Variants in PXDNL observed in about 807,000 individuals in gnomAD.
PXDNL encodes probable oxidoreductase PXDNL.
A neutral mutation model predicts 150.8 loss-of-function variants in PXDNL; 145 were observed. That is an observed-to-expected ratio of 0.96 (90% CI 0.84 to 1.10). The LOEUF is 1.10. Ranked by LOEUF, PXDNL falls within the 50% of genes least tolerant of loss-of-function variation. The pLI, the probability that PXDNL is intolerant of heterozygous loss-of-function variation, is 0.00. For synonymous variants in PXDNL, 757 were observed against 725.7 expected (o/e 1.04, Z -0.69); for missense variants, 2,087 against 1,873.9 (o/e 1.11, Z -2.10).
intron 6 of PXDNL, among the ~76,000 whole-genome samples, chr8:51,482,348 C>T (rs1393165833): frequency 1.3e-5 from 2 of 152,190 alleles, no homozygotes; most frequent in Non-Finnish European, 2.9e-5. Flanking sequence ...CACCTGTACC[C>T]CCACTGTATC....
chr8:51,546,913 G>C, intron 4 of PXDNL, among the ~76,000 whole-genome samples: 1 of 152,268 alleles, frequency 6.6e-6, no homozygotes, highest in Admixed American at 6.5e-5. Flanking sequence ...TGAAGCAGCA[G>C]AGGCATTCAT....
intron 4 of PXDNL, among the ~76,000 whole-genome samples, chr8:51,541,125 G>A (rs12114738): frequency 0.14 from 21,733 of 151,760 alleles, 1,728 homozygotes; most frequent in East Asian, 0.28. Context: ...GGGCGTGGTG[G>A]CATGTGCCTA....
chr8:51,690,494 T>C (rs1815970827), intron 1 of PXDNL, among the ~76,000 whole-genome samples: 1 of 152,172 alleles, frequency 6.6e-6, no homozygotes, highest in South Asian at 2.1e-4. Flanking sequence ...ACAAAGGACA[T>C]GAACTCATCA....
intron 11 of PXDNL, among the ~76,000 whole-genome samples, chr8:51,448,538 A>G (rs1455062769): frequency 6.6e-6 from 1 of 152,020 alleles, no homozygotes; most frequent in Non-Finnish European, 1.5e-5. Context: ...CCCCGTCTCT[A>G]TTAAAAATAC....
chr8:51,639,734 C>A (rs965206263), intron 2 of PXDNL, among the ~76,000 whole-genome samples: 1 of 152,006 alleles, frequency 6.6e-6, no homozygotes, highest in Non-Finnish European at 1.5e-5. Context: ...CAAAAAGAGT[C>A]CAGGACCAGA....
chr8:51,406,258 A>G (rs994590901), intron 17 of PXDNL, among the ~76,000 whole-genome samples: 2 of 152,194 alleles, frequency 1.3e-5, no homozygotes, highest in African/African-American at 4.8e-5. Context: ...CAATCCAGAT[A>G]ATCTACCCAC....
At chr8:51,754,210 TAGG>T (rs1554512689) in intron 1 of PXDNL, among the ~76,000 whole-genome samples, 4 of 152,180 alleles carry the variant, frequency 2.6e-5, no homozygotes, top group Non-Finnish European at 5.9e-5. Context: ...GATTTTACTA[TAGG>T]AATTTATTCA....
chr8:51,637,630 G>C (rs895061062), intron 2 of PXDNL, among the ~76,000 whole-genome samples: 2 of 152,120 alleles, frequency 1.3e-5, no homozygotes, highest in African/African-American at 4.8e-5. Context: ...ATGAAATGAA[G>C]TGAAAAGAGA....
At chr8:51,693,536 G>T (rs1196130755) in intron 1 of PXDNL, among the ~76,000 whole-genome samples, 1 of 152,192 alleles carries the variant, frequency 6.6e-6, no homozygotes, top group African/African-American at 2.4e-5. Context: ...CACTCTGGGA[G>T]GCGGAAGTGA....
intron 4 of PXDNL, among the ~76,000 whole-genome samples, chr8:51,515,610 T>C (rs1420041918): frequency 6.6e-6 from 1 of 152,196 alleles, no homozygotes; most frequent in East Asian, 1.9e-4. Flanking sequence ...CTCGTGAACA[T>C]CTCACGGGAT....
chr8:51,454,861 C>T (rs1369617224), intron 9 of PXDNL, among the ~76,000 whole-genome samples: 1 of 152,116 alleles, frequency 6.6e-6, no homozygotes, highest in African/African-American at 2.4e-5. Flanking sequence ...GAGGACAGAA[C>T]ACATCATCTG....
chr8:51,451,618 C>T (rs1407313183), intron 10 of PXDNL, among the ~76,000 whole-genome samples: 2 of 152,186 alleles, frequency 1.3e-5, no homozygotes, highest in African/African-American at 2.4e-5. Flanking sequence ...TATGTCCACA[C>T]TGTGATTCAT....
intron 20 of PXDNL, among the ~76,000 whole-genome samples, chr8:51,341,871 A>C (rs1338453749): frequency 1.3e-5 from 2 of 152,222 alleles, no homozygotes. Flanking sequence ...TGTGGGTTGG[A>C]GTAGCCACTG....
At chr8:51,695,748 T>C (rs1200026782) in intron 1 of PXDNL, among the ~76,000 whole-genome samples, 1 of 152,168 alleles carries the variant, frequency 6.6e-6, no homozygotes, top group Non-Finnish European at 1.5e-5. Context: ...TTTCTTCTGC[T>C]AGAAAAGCTA....
At chr8:51,795,681 A>G (rs1344900080) in intron 1 of PXDNL, among the ~76,000 whole-genome samples, 1 of 152,224 alleles carries the variant, frequency 6.6e-6, no homozygotes, top group Non-Finnish European at 1.5e-5. Flanking sequence ...CTAAATGCCC[A>G]AAAAGCTAGA....
chr8:51,622,604 G>A (rs746003068), intron 2 of PXDNL, among the ~76,000 whole-genome samples: 5 of 152,148 alleles, frequency 3.3e-5, no homozygotes, highest in Admixed American at 1.3e-4. Context: ...AAGTGACTGC[G>A]TGATAACATA....
chr8:51,332,274 G>A (rs1239578795), intron 21 of PXDNL, among the ~76,000 whole-genome samples: 1 of 152,144 alleles, frequency 6.6e-6, no homozygotes, highest in East Asian at 1.9e-4. Context: ...CATGGGAAAA[G>A]GGGGTGAGTA....
chr8:51,641,288 G>T (rs531961831), intron 2 of PXDNL, among the ~76,000 whole-genome samples: 4 of 151,184 alleles, frequency 2.6e-5, no homozygotes, highest in Non-Finnish European at 5.9e-5. Flanking sequence ...CAGGACACAG[G>T]CATGGGCAAG....
intron 1 of PXDNL, among the ~76,000 whole-genome samples, chr8:51,774,680 T>C (rs764776085): frequency 3.3e-5 from 5 of 151,870 alleles, no homozygotes; most frequent in African/African-American, 4.8e-5. Flanking sequence ...TAGCCAGGCA[T>C]GGTGGTGGGT....
Sources: allele counts gnomAD v4.1 joint callset (sites outside exome capture counted in the v4.1 genomes callset), GRCh38; gene constraint gnomAD v4.1.1; transcripts MANE v1.5; gene names NCBI Gene and HGNC (gene_info 2026-07-23, HGNC 2026-07-21).